ANKRD11: variants seen among roughly 807,000 people sequenced by gnomAD.
ANKRD11 encodes ankyrin repeat domain-containing protein 11.
ANKRD11 carries 17 observed loss-of-function variants against 195.7 expected under a neutral mutation model. The ratio of observed to expected loss-of-function variants is 0.09; its 90% CI spans 0.06 to 0.13. The LOEUF (loss-of-function observed/expected upper bound fraction) is 0.13, where lower values mean the gene tolerates loss of function less well. Ranked by LOEUF, ANKRD11 falls within the 10% of genes least tolerant of loss-of-function variation. The pLI is 1.00. For missense variants in ANKRD11, 3,735 were observed against 3,566.1 expected (o/e 1.05, Z -1.21); for synonymous variants, 1,953 against 1,528.1 (o/e 1.28, Z -6.49).
intron 2 of ANKRD11, among the ~76,000 whole-genome samples, chr16:89,325,913 C>T (rs2037687616): frequency 6.6e-6 from 1 of 152,162 alleles, no homozygotes; most frequent in African/African-American, 2.4e-5. Context: ...AGGGCATGAG[C>T]ATGACGACGG....
chr16:89,485,832 A>C (rs992055945), intron 1 of ANKRD11, among the ~76,000 whole-genome samples: 8 of 152,168 alleles, frequency 5.3e-5, no homozygotes, highest in Admixed American at 5.2e-4. Context: ...GCTCAGCTAC[A>C]TGTGACCAGA....
At chr16:89,381,621 T>C (rs918694226) in intron 2 of ANKRD11, among the ~76,000 whole-genome samples, 7 of 152,222 alleles carry the variant, frequency 4.6e-5, no homozygotes, top group African/African-American at 1.4e-4. Flanking sequence ...CGATGAAAGC[T>C]GTCAACATCC....
chr16:89,369,518 T>C (rs73255828), intron 2 of ANKRD11, among the ~76,000 whole-genome samples: 4,745 of 152,274 alleles, frequency 0.031, 251 homozygotes, highest in African/African-American at 0.11. Context: ...GGCCCACAGA[T>C]TGTCCTTCAC....
At chr16:89,386,521 G>A (rs1483153128) in intron 2 of ANKRD11, among the ~76,000 whole-genome samples, 2 of 152,180 alleles carry the variant, frequency 1.3e-5, no homozygotes, top group African/African-American at 2.4e-5. Flanking sequence ...GGGGGAAAGG[G>A]GGCTCTTCTC....
At chr16:89,377,061 C>A (rs2040452703) in intron 2 of ANKRD11, among the ~76,000 whole-genome samples, 1 of 152,210 alleles carries the variant, frequency 6.6e-6, no homozygotes, top group Non-Finnish European at 1.5e-5. Context: ...AAGTACCTTG[C>A]CTTGCCAGTA....
At chr16:89,415,454 C>T (rs1216067778) in intron 2 of ANKRD11, among the ~76,000 whole-genome samples, 2 of 150,066 alleles carry the variant, frequency 1.3e-5, no homozygotes, top group East Asian at 2.0e-4. Flanking sequence ...TTAGTAGAGA[C>T]GGGGTTTCAC....
chr16:89,317,845 G>A lies in ANKRD11; in HGVS notation c.-59-767C>T, dbSNP rs183230489. ...AGGGAGAGACTGCCCCTCTCTCAGG[G>A]CTGGCAAATTCCTAGATAGCCAAGG... On this transcript the variant is annotated intron_variant, in intron 2 of 12. Coordinates refer to ENST00000301030, the MANE Select transcript of ANKRD11 (RefSeq NM_013275.6). Among the ~76,000 whole-genome samples, 54 of 152,126 alleles carry A rather than the reference G, an allele frequency of 3.5e-4. 1 individual carries two copies. The highest frequency in any genetic ancestry group is 3.2e-3 in the Admixed American group (49 of 15,296).
At chr16:89,390,903 T>C (rs1016453509) in intron 2 of ANKRD11, among the ~76,000 whole-genome samples, 3 of 152,128 alleles carry the variant, frequency 2.0e-5, no homozygotes, top group Non-Finnish European at 4.4e-5. Flanking sequence ...CATGTAAGTG[T>C]CACCCTGATT....
intron 1 of ANKRD11, among the ~76,000 whole-genome samples, chr16:89,422,824 C>A (rs1047615568): frequency 6.6e-6 from 1 of 152,224 alleles, no homozygotes; most frequent in African/African-American, 2.4e-5. Context: ...TCAGGAGACT[C>A]TGACTGACAC....
intron 2 of ANKRD11, among the ~76,000 whole-genome samples, chr16:89,377,168 G>C (rs1023295721): frequency 6.6e-6 from 1 of 152,140 alleles, no homozygotes; most frequent in African/African-American, 2.4e-5. Flanking sequence ...TGGTCTTCCT[G>C]TCCCCAAACA....
At chr16:89,293,789 G>A (rs1395845838) in intron 4 of ANKRD11, among the ~76,000 whole-genome samples, 1 of 152,050 alleles carries the variant, frequency 6.6e-6, no homozygotes, top group East Asian at 1.9e-4. Flanking sequence ...TGGGGCTGCA[G>A]TATGTTTACA....
rs1220931151 is a variant in ANKRD11 at position 89,280,393 on chromosome 16, G to A, written c.6149C>T (p.Thr2050Ile). The change falls in exon 9 of 13, where the codon ACC becomes ATC. Residue 2050 changes from threonine (T) to isoleucine (I), a missense_variant. Thr to Ile is a moderately conservative substitution (Grantham distance 89). Transcript: ENST00000301030. ...GVDAVPAAIS[T>I]SEAAPYAPPS... is the part of the protein sequence containing the mutation. Reference sequence around the variant, plus strand: ...AGGGGCGTAGGGAGCCGCCTCTGAGGTGGAGATGGCGGCGGGGACGGCGTC... The same window carrying A: ...AGGGGCGTAGGGAGCCGCCTCTGAGATGGAGATGGCGGCGGGGACGGCGTC... 2 of 1,562,368 alleles carry A rather than the reference G, an allele frequency of 1.3e-6. No individual in the cohort carries two copies. Among genetic ancestry groups the A allele is most frequent in the Admixed American group, 1.8e-5 (1 of 54,190 alleles).
chr16:89,478,158 G>A (rs2057320319), intron 1 of ANKRD11, among the ~76,000 whole-genome samples: 1 of 152,154 alleles, frequency 6.6e-6, no homozygotes, highest in African/African-American at 2.4e-5. Context: ...GTTGTTGTCA[G>A]GGCACAGTGA....
chr16:89,480,907 A>T (rs965940444), intron 1 of ANKRD11, among the ~76,000 whole-genome samples: 2 of 152,100 alleles, frequency 1.3e-5, no homozygotes, highest in African/African-American at 4.8e-5. Context: ...CTCAACTGAG[A>T]TGCCCACTTC....
intron 2 of ANKRD11, among the ~76,000 whole-genome samples, chr16:89,347,233 T>C (rs2152017535): frequency 6.6e-6 from 1 of 152,270 alleles, no homozygotes; most frequent in East Asian, 1.9e-4. Flanking sequence ...TCTGGCAGTG[T>C]AGCCTTGACA....
rs950694427 is a variant in ANKRD11, at chr16:89,404,333, G to C, written c.-60+13951C>G. On this transcript the variant is annotated intron_variant, in intron 2 of 12. Coordinates refer to ENST00000301030, the MANE Select transcript of ANKRD11 (RefSeq NM_013275.6). Reference sequence around the variant, plus strand: ...ATCTGTGTAACTAAGGAAAATGGAAGTGCAGGAAGGAATACATTTTTGTAA... The same window carrying C: ...ATCTGTGTAACTAAGGAAAATGGAACTGCAGGAAGGAATACATTTTTGTAA... Among the ~76,000 whole-genome samples, 3 of 152,274 alleles carry C rather than the reference G, an allele frequency of 2.0e-5. No individual in the cohort carries two copies. The Middle Eastern group carries it at 0.01, about 518-fold the overall frequency.
chr16:89,287,884 G>C (rs2034759628), intron 7 of ANKRD11: 1 of 341,738 alleles, frequency 2.9e-6, no homozygotes, highest in East Asian at 4.6e-5. Flanking sequence ...GGCCCCGTGT[G>C]ACCCCTCAGC....
intron 3 of ANKRD11, chr16:89,313,300 T>C (rs1401381380): frequency 7.8e-7 from 1 of 1,285,334 alleles, no homozygotes; most frequent in East Asian, 5.6e-5. Context: ...GACACTGTTC[T>C]CTGTAGCCCT....
At chr16:89,400,846 A>G (rs1321748034) in intron 2 of ANKRD11, among the ~76,000 whole-genome samples, 1 of 152,066 alleles carries the variant, frequency 6.6e-6, no homozygotes, top group African/African-American at 2.4e-5. Context: ...TCTGACGGGA[A>G]CCCCTGCAGC....
Sources: allele counts gnomAD v4.1 joint callset (sites outside exome capture counted in the v4.1 genomes callset), GRCh38; gene constraint gnomAD v4.1.1; transcripts MANE v1.5; gene names NCBI Gene and HGNC (gene_info 2026-07-23, HGNC 2026-07-21).